The following TNRC6A variants were observed in gnomAD, a reference collection of about 807,000 sequenced individuals.
The protein encoded by TNRC6A is trinucleotide repeat-containing gene 6A protein.
In TNRC6A, 44 loss-of-function variants were observed where a neutral mutation model predicts 221.2. The observed-to-expected ratio is 0.20, with a 90% CI of 0.16 to 0.26. The LOEUF (loss-of-function observed/expected upper bound fraction) is 0.26. TNRC6A is among the 10% of genes least tolerant of loss of function. The pLI is 1.00. For synonymous variants in TNRC6A, 847 were observed against 838.5 expected, an observed-to-expected ratio of 1.01 and a Z score of -0.18; for missense variants, 2,199 against 2,404.4, an observed-to-expected ratio of 0.91 and a Z score of 1.79.
At chr16:24,643,411 A>C (rs955379419) in intron 2 of TNRC6A, among the ~76,000 whole-genome samples, 23 of 151,968 alleles carry the variant, frequency 1.5e-4, no homozygotes, top group Non-Finnish European at 3.2e-4. Context: ...TAGGGCAGGC[A>C]TAGGGTCCTA....
intron 6 of TNRC6A, among the ~76,000 whole-genome samples, chr16:24,792,164 A>C (rs571565078): frequency 6.6e-6 from 1 of 152,230 alleles, no homozygotes; most frequent in African/African-American, 2.4e-5. Flanking sequence ...TAAAACAAGT[A>C]TCTCATAAAT....
At chr16:24,770,537 T>C (rs919611205) in intron 4 of TNRC6A, among the ~76,000 whole-genome samples, 10 of 152,184 alleles carry the variant, frequency 6.6e-5, no homozygotes, top group African/African-American at 2.4e-4. Flanking sequence ...ACTGACTAGA[T>C]ACAGGGGAGT....
intron 2 of TNRC6A, among the ~76,000 whole-genome samples, chr16:24,674,708 A>G (rs1406238260): frequency 6.6e-6 from 1 of 150,852 alleles, no homozygotes; most frequent in African/African-American, 2.4e-5. Flanking sequence ...ACACACACAC[A>G]CACACACACA....
intron 2 of TNRC6A, among the ~76,000 whole-genome samples, chr16:24,682,694 G>A (rs925029956): frequency 2.6e-5 from 4 of 152,104 alleles, no homozygotes; most frequent in Non-Finnish European, 5.9e-5. Flanking sequence ...GAGGGCCACC[G>A]AGGTGGGAAA....
At chr16:24,791,931 G>A in intron 6 of TNRC6A, 114 bp downstream of exon 6, 5 of 1,212,574 alleles carry the variant, frequency 4.1e-6, no homozygotes, top group Non-Finnish European at 5.4e-6. Flanking sequence ...TAATCCAGAA[G>A]CAGCTTGAAA....
At chr16:24,810,685 T>C (rs2058524451) in intron 18 of TNRC6A, among the ~76,000 whole-genome samples, 1 of 152,064 alleles carries the variant, frequency 6.6e-6, no homozygotes, top group African/African-American at 2.4e-5. Context: ...GGGGTGAAGG[T>C]GCAAATGACA....
intron 2 of TNRC6A, among the ~76,000 whole-genome samples, chr16:24,682,587 A>G (rs2142067694): frequency 6.6e-6 from 1 of 152,232 alleles, no homozygotes. Flanking sequence ...AAGGATCCAC[A>G]GGACTAATTA....
chr16:24,784,066 A>T (rs894835461), intron 5 of TNRC6A, among the ~76,000 whole-genome samples: 2 of 152,124 alleles, frequency 1.3e-5, no homozygotes, highest in African/African-American at 2.4e-5. Flanking sequence ...CAGTGGTGCG[A>T]TCTCGACTCA....
chr16:24,707,527 T>G (rs1474899594), intron 2 of TNRC6A, among the ~76,000 whole-genome samples: 1 of 152,176 alleles, frequency 6.6e-6, no homozygotes, highest in Non-Finnish European at 1.5e-5. Flanking sequence ...AGGAGAAATG[T>G]TTCTACAATT....
Position 24,790,404 on chromosome 16 carries a change from A to T in TNRC6A, c.1762A>T (p.Ser588Cys), listed in dbSNP as rs1440423324. The T allele has an allele frequency of 6.2e-7, 1 of 1,614,222 alleles. No individual in the cohort carries two copies. Among genetic ancestry groups the T allele is most frequent in the East Asian group, 2.2e-5 (1 of 44,888 alleles). Reference protein sequence around the residue: ...AANSQSTSWGSGNGANSGGSR... With the variant: ...AANSQSTSWGCGNGANSGGSR... ...AAACTCCCAGAGTACATCATGGGGA[A>T]GTGGAAATGGCGCAAATTCTGGAGG... Residue 588 changes from serine (S) to cysteine (C), a missense_variant, in exon 6 of 25, where the codon AGT (serine) becomes TGT (cysteine). By Grantham distance (112) the Ser-to-Cys change is moderately radical. Transcript: ENST00000395799.
At chr16:24,613,823 A>G (rs1900203222) in intron 1 of TNRC6A, among the ~76,000 whole-genome samples, 2 of 152,180 alleles carry the variant, frequency 1.3e-5, no homozygotes, top group South Asian at 4.1e-4. Context: ...GGCATGAACT[A>G]CTGTGCCCAG....
At chr16:24,658,356 G>T (rs116734746) in intron 2 of TNRC6A, among the ~76,000 whole-genome samples, 2,785 of 152,016 alleles carry the variant, frequency 0.018, 77 homozygotes, top group African/African-American at 0.056. Flanking sequence ...CTGTTTCTTT[G>T]TGTTTGTTTG....
At chr16:24,696,728 CAAAAA>C (rs1251210834) in intron 2 of TNRC6A, among the ~76,000 whole-genome samples, 1 of 45,142 alleles carries the variant, frequency 2.2e-5, no homozygotes, top group African/African-American at 1.1e-4. Flanking sequence ...GACCCTGTCT[CAAAAA>C]AAAAAAAAAA....
chr16:24,691,032 G>A (rs184648281), intron 2 of TNRC6A, among the ~76,000 whole-genome samples: 241 of 151,984 alleles, frequency 1.6e-3, no homozygotes, highest in African/African-American at 5.4e-3. Context: ...GATTCGTCTC[G>A]ATCTCCTGAC....
chr16:24,792,092 A>G (rs1199089589), intron 6 of TNRC6A, among the ~76,000 whole-genome samples: 1 of 152,218 alleles, frequency 6.6e-6, no homozygotes, highest in Non-Finnish European at 1.5e-5. Context: ...CACTTCTCCA[A>G]GTTGTTTTTG....
At chr16:24,788,862 A>T (rs1207717592) in intron 5 of TNRC6A, among the ~76,000 whole-genome samples, 1 of 151,984 alleles carries the variant, frequency 6.6e-6, no homozygotes, top group Non-Finnish European at 1.5e-5. Flanking sequence ...GTTAGCCAGG[A>T]TGTTCTTGAT....
rs35808246 is a variant in TNRC6A, at chr16:24,660,984, A to G, written n.402+19975A>G. On this transcript the variant is annotated intron_variant and non_coding_transcript_variant, in intron 2 of 2. Transcript: ENST00000566108. ...TCTCGATCTCCTGACCTCGTGATCC[A>G]CCCATCTCGGCCTCCCAAAGTGCTG... Among the ~76,000 whole-genome samples, 578 of 151,536 alleles carry G rather than the reference A, an allele frequency of 3.8e-3. 4 individuals carry two copies. Among genetic ancestry groups the G allele is most frequent in the African/African-American group, 0.013 (539 of 41,366 alleles).
At position 24,655,281 on chromosome 16, in the gene TNRC6A, GA is replaced by G. The variant is rs1158881022; in HGVS notation, n.402+14279del. The stretch of plus-strand genomic sequence containing the variant: ...TGAAAGGCGGGGGGGAACACTGATA[GA>G]AAAAAAGATTTTGTCAAAAAACATG... On this transcript the variant is annotated intron_variant and non_coding_transcript_variant, in intron 2 of 2. Transcript: ENST00000566108. Among the ~76,000 whole-genome samples the G allele has an allele frequency of 2.0e-5, 3 of 152,020 alleles. No homozygotes were observed. In the East Asian group the frequency reaches 5.8e-4, roughly 29 times the overall value.
In TNRC6A at chr16:24,821,164, T is replaced by C. The variant is rs138112744; in HGVS notation, c.5302+804T>C. Among the ~76,000 whole-genome samples, 6 of 152,340 alleles carry C rather than the reference T, an allele frequency of 3.9e-5. No individual in the cohort carries two copies. The East Asian group carries it at 7.7e-4, about 20-fold the overall frequency. Reference sequence around the variant, plus strand: ...CTAAAGTACGTGCCAAGCTGCTGAATGCAAGTTAACATAATTGGTGTGGTG... The same window carrying C: ...CTAAAGTACGTGCCAAGCTGCTGAACGCAAGTTAACATAATTGGTGTGGTG... On this transcript the variant is annotated intron_variant, in intron 22 of 24. Coordinates refer to ENST00000395799, the MANE Select transcript of TNRC6A (RefSeq NM_014494.4).
Sources: gnomAD v4.1 joint callset for allele counts (sites outside exome capture counted in the v4.1 genomes callset) on GRCh38, gnomAD v4.1.1 for gene constraint, MANE v1.5 for transcripts, NCBI Gene and HGNC (gene_info 2026-07-23, HGNC 2026-07-21) for gene names.